Variants in RIN3 observed in about 807,000 individuals in gnomAD.
RIN3 encodes the protein Ras and Rab interactor 3, also known as RAB5 interacting protein 3.
RIN3 carries 54 observed loss-of-function variants against 76.3 expected under a neutral mutation model. That is an observed-to-expected ratio of 0.71 (90% CI 0.57 to 0.89). The LOEUF is 0.89. Ranked by LOEUF, RIN3 falls within the 40% of genes least tolerant of loss-of-function variation. The pLI is 0.00. For missense variants in RIN3, 1,256 were observed against 1,322.1 expected, an observed-to-expected ratio of 0.95 and a Z score of 0.78; for synonymous variants, 576 against 564.0, an observed-to-expected ratio of 1.02 and a Z score of -0.30.
chr14:92,687,792 A>G, intron 9 of RIN3, 134 bp from the exon 10 acceptor site: 1 of 763,034 alleles, frequency 1.3e-6, no homozygotes. Flanking sequence ...GAGACGGGAA[A>G]GGCGCAGGTG....
intron 2 of RIN3, among the ~76,000 whole-genome samples, chr14:92,565,694 A>G (rs1303104104): frequency 6.6e-5 from 10 of 152,176 alleles, no homozygotes; most frequent in Non-Finnish European, 1.0e-4. Context: ...CTAATGCATT[A>G]TAATTAGCAC....
intron 1 of RIN3, among the ~76,000 whole-genome samples, chr14:92,520,835 A>G (rs1414382102): frequency 6.6e-6 from 1 of 152,182 alleles, no homozygotes; most frequent in Non-Finnish European, 1.5e-5. Context: ...CCTAACCTCC[A>G]TGTTCCCAGC....
At chr14:92,677,059 TGAGA>T (rs1888492057) in intron 8 of RIN3, among the ~76,000 whole-genome samples, 1 of 152,184 alleles carries the variant, frequency 6.6e-6, no homozygotes, top group Admixed American at 6.5e-5. Flanking sequence ...AGTAAGAGTC[TGAGA>T]GACAGTGACA....
chr14:92,521,462 G>A (rs1365006596), intron 1 of RIN3, among the ~76,000 whole-genome samples: 2 of 152,172 alleles, frequency 1.3e-5, no homozygotes, highest in Non-Finnish European at 2.9e-5. Flanking sequence ...GGTCATGGGG[G>A]CAGATCCATC....
At chr14:92,662,166 AGGGTGTCCGAGAATGAGC>A (rs1887912582) in intron 7 of RIN3, among the ~76,000 whole-genome samples, 2 of 152,224 alleles carry the variant, frequency 1.3e-5, no homozygotes, top group African/African-American at 4.8e-5. Flanking sequence ...GGCCTGGCAA[AGGGTGTCCGAGAATGAGC>A]GGGGCCTTCT....
rs564070159 is a variant in RIN3, at chr14:92,591,552, G to A, written c.367+14075G>A. Among the ~76,000 whole-genome samples, 6 of 151,946 alleles carry A rather than the reference G, an allele frequency of 3.9e-5. No individual in the cohort carries two copies. The East Asian group carries it at 1.2e-3, about 29-fold the overall frequency. ...CTAGGCATACCATTTTCAAACTACA[G>A]AAATTCAAAGAAAAAGTCTTGAAAA... On this transcript the variant is annotated intron_variant, in intron 3 of 9. Coordinates refer to ENST00000216487, the MANE Select transcript of RIN3 (RefSeq NM_024832.5).
intron 1 of RIN3, among the ~76,000 whole-genome samples, chr14:92,541,397 G>A (rs1897130323): frequency 6.6e-6 from 1 of 152,078 alleles, no homozygotes; most frequent in Non-Finnish European, 1.5e-5. Context: ...GGCACACCTG[G>A]GTATTGTTTC....
intron 3 of RIN3, among the ~76,000 whole-genome samples, chr14:92,591,482 G>A (rs939897581): frequency 6.6e-6 from 1 of 152,098 alleles, no homozygotes; most frequent in Admixed American, 6.6e-5. Flanking sequence ...CACAGGCTAG[G>A]AAGGTCAGAA....
intron 1 of RIN3, among the ~76,000 whole-genome samples, chr14:92,543,771 C>T (rs184410036): frequency 1.2e-3 from 188 of 151,906 alleles, no homozygotes; most frequent in African/African-American, 3.9e-3. Flanking sequence ...TTAGTAGAGA[C>T]GGGATTTCAC....
chr14:92,659,577 G>A, intron 7 of RIN3, 108 bp downstream of exon 7: 1 of 1,066,332 alleles, frequency 9.4e-7, no homozygotes, highest in Non-Finnish European at 1.3e-6. Flanking sequence ...AGACTTTCCA[G>A]ATTCAGAGCC....
At chr14:92,580,119 G>T (rs1459303402) in intron 3 of RIN3, among the ~76,000 whole-genome samples, 1 of 152,262 alleles carries the variant, frequency 6.6e-6, no homozygotes, top group Non-Finnish European at 1.5e-5. Flanking sequence ...GCTCAAGCCT[G>T]TAATCCCAGC....
chr14:92,644,563 A>G (rs1429659123), intron 5 of RIN3: 1 of 152,252 alleles, frequency 6.6e-6, no homozygotes, highest in Non-Finnish European at 1.5e-5. Context: ...GTTCAGATTC[A>G]TCTATCAGCA....
chr14:92,605,997 G>T (rs925696315), intron 3 of RIN3, among the ~76,000 whole-genome samples: 1 of 152,084 alleles, frequency 6.6e-6, no homozygotes, highest in East Asian at 1.9e-4. Flanking sequence ...ATATTGGAAA[G>T]ACCCTATTAA....
chr14:92,584,773 T>C (rs542710981), intron 3 of RIN3, among the ~76,000 whole-genome samples: 149 of 152,272 alleles, frequency 9.8e-4, no homozygotes, highest in African/African-American at 3.2e-3. Flanking sequence ...CTAGCTACTT[T>C]TTCATTGATG....
intron 1 of RIN3, among the ~76,000 whole-genome samples, chr14:92,520,585 G>C (rs964280986): frequency 1.3e-5 from 2 of 152,224 alleles, no homozygotes; most frequent in African/African-American, 4.8e-5. Flanking sequence ...GCGAAAGCCT[G>C]TTCTCTGAAA....
intron 3 of RIN3, among the ~76,000 whole-genome samples, chr14:92,585,168 G>A (rs1884724088): frequency 6.6e-6 from 1 of 152,072 alleles, no homozygotes; most frequent in Non-Finnish European, 1.5e-5. Context: ...GTGTGCCACT[G>A]TGCCTGGGTA....
chr14:92,576,532 G>A (rs569943059), intron 2 of RIN3, among the ~76,000 whole-genome samples: 12 of 152,344 alleles, frequency 7.9e-5, no homozygotes, highest in East Asian at 7.7e-4. Context: ...GGTCCCAAGC[G>A]TTGACACCAG....
At chr14:92,547,077 A>G (rs1897288267) in intron 1 of RIN3, among the ~76,000 whole-genome samples, 1 of 102,156 alleles carries the variant, frequency 9.8e-6, no homozygotes, top group Admixed American at 9.7e-5. Context: ...TTTATTTTAT[A>G]TTATATTATA....
rs147690194 is a variant in RIN3, at chr14:92,575,488, C to T, written c.250-1872C>T. 7.6e-4 allele frequency among the ~76,000 whole-genome samples: 115 copies of T among 152,226 alleles called. 1 individual carries two copies. The East Asian group carries it at 0.02, about 26-fold the overall frequency. ...TCATACTCATGCTCGACTGATTATGCTTATGGTTATTTCTTGATTATTTAC... is the reference window on the plus strand; with the variant it reads ...TCATACTCATGCTCGACTGATTATGTTTATGGTTATTTCTTGATTATTTAC... On this transcript the variant is annotated intron_variant, in intron 2 of 9. Transcript: ENST00000216487.
Sources: gnomAD v4.1 joint callset for allele counts (sites outside exome capture counted in the v4.1 genomes callset) on GRCh38, gnomAD v4.1.1 for gene constraint, MANE v1.5 for transcripts, NCBI Gene and HGNC (gene_info 2026-07-23, HGNC 2026-07-21) for gene names.